ELFN1: variants seen among roughly 807,000 people sequenced by gnomAD.
The protein encoded by ELFN1 is extracellular leucine rich repeat and fibronectin type III domain containing 1, also known as protein ELFN1.
In ELFN1, 6 loss-of-function variants were observed where a neutral mutation model predicts 7.6. The ratio of observed to expected loss-of-function variants is 0.79; its 90% confidence interval spans 0.43 to 1.56. ELFN1 has a LOEUF of 1.56. Ranked by LOEUF, ELFN1 falls within the 40% of genes most tolerant of loss-of-function variation. The probability of loss-of-function intolerance (pLI) is 0.01; values close to 1 mark genes in which losing one functional copy is unlikely to be tolerated. For missense variants in ELFN1, 1,169 were observed against 1,232.2 expected (o/e 0.95, Z 0.77); for synonymous variants, 657 against 588.1 (o/e 1.12, Z -1.70).
rs34132549 is a variant in ELFN1, at chr7:1,695,747, C to CAAA, written c.-456+7620_-456+7622dup. On this transcript the variant is annotated intron_variant, in intron 2 of 3. Transcript: ENST00000424383. This position sits in a 1 kb window ranked among gnomAD's most constrained non-coding sequence, Gnocchi z 5.1. Reference sequence around the variant, plus strand: ...TGGGTGACAGAGCGAGACTCCGTGTCAAAAAAAAAAAAAAAAAAAAAAAAA... The same window carrying CAAA: ...TGGGTGACAGAGCGAGACTCCGTGTCAAAAAAAAAAAAAAAAAAAAAAAAAAAA... 1.8e-3 allele frequency among the ~76,000 whole-genome samples: 104 copies of CAAA among 59,116 alleles called. 4 individuals are homozygous for CAAA. Among genetic ancestry groups the CAAA allele is most frequent in the African/African-American group, 5.6e-3 (84 of 14,990 alleles). The allele number at this position is 59,116 out of a possible 152,430, so 38.8% of individuals were successfully genotyped here.
chr7:1,733,626 C>T lies in ELFN1; in HGVS notation c.-293-10678C>T, dbSNP rs10266558. Among the ~76,000 whole-genome samples the T allele has an allele frequency of 9.7e-3, 1,473 of 152,230 alleles. 21 individuals are homozygous for T. Among genetic ancestry groups the T allele is most frequent in the African/African-American group, 0.034 (1,398 of 41,532 alleles). The stretch of plus-strand genomic sequence containing the variant: ...CCCAGCCCCGTCCCAGCCCATCTTC[C>T]GTTGCTGAAACCTCCTAGGCTAGAC... On this transcript the variant is annotated intron_variant, in intron 3 of 3. Transcript: ENST00000424383.
chr7:1,675,522 T>C (rs1483453847), intron 1 of ELFN1, among the ~76,000 whole-genome samples: 1 of 152,192 alleles, frequency 6.6e-6, no homozygotes, highest in Non-Finnish European at 1.5e-5. Flanking sequence ...CTCAGGCACC[T>C]CTTAGTCATT....
chr7:1,714,606 G>A (rs961445288), intron 3 of ELFN1, among the ~76,000 whole-genome samples: 7 of 152,288 alleles, frequency 4.6e-5, no homozygotes, highest in East Asian at 1.9e-4. Context: ...CTGTAGCCCC[G>A]GGGGAGGCTC....
At chr7:1,704,023 T>C (rs1779480685) in intron 2 of ELFN1, among the ~76,000 whole-genome samples, 1 of 152,230 alleles carries the variant, frequency 6.6e-6, no homozygotes, top group Non-Finnish European at 1.5e-5. Context: ...GTGCCTTAGT[T>C]TCTCCATCTG....
intron 1 of ELFN1, among the ~76,000 whole-genome samples, chr7:1,674,529 C>T (rs1404916847): frequency 1.3e-5 from 2 of 152,102 alleles, no homozygotes; most frequent in Non-Finnish European, 2.9e-5. Flanking sequence ...GATAACCCCA[C>T]AGGAAGAGGC....
rs181529823 is a variant in ELFN1 at position 1,722,518 on chromosome 7, C to T, written c.-294+13266C>T. On this transcript the variant is annotated intron_variant, in intron 3 of 3. Transcript: ENST00000424383. ...TCCTGACCTCTGGTGATCCACCCCC[C>T]GCTCAGCCTCCCAAACTGCTGGGAT... is the stretch of plus-strand genomic sequence containing the variant. 1.2e-4 allele frequency among the ~76,000 whole-genome samples: 18 copies of T among 151,918 alleles called. No individual in the cohort carries two copies. The East Asian group carries it at 1.8e-3, about 15-fold the overall frequency.
chr7:1,711,025 G>A (rs866053723), intron 3 of ELFN1, among the ~76,000 whole-genome samples: 9 of 152,172 alleles, frequency 5.9e-5, no homozygotes, highest in South Asian at 2.1e-4. Flanking sequence ...GGGCTGCCCC[G>A]CCTGAGCCAG....
chr7:1,722,052 C>T (rs1780038765), intron 3 of ELFN1, among the ~76,000 whole-genome samples: 1 of 152,164 alleles, frequency 6.6e-6, no homozygotes, highest in African/African-American at 2.4e-5. Flanking sequence ...CTGACCTGGT[C>T]AGGGGCCCGG....
intron 3 of ELFN1, among the ~76,000 whole-genome samples, chr7:1,725,801 A>G (rs549865913): frequency 6.6e-6 from 1 of 152,292 alleles, no homozygotes; most frequent in South Asian, 2.1e-4. Flanking sequence ...GCACACACAC[A>G]GTACACATTC....
intron 1 of ELFN1, among the ~76,000 whole-genome samples, chr7:1,682,341 C>A (rs534653687): frequency 1.3e-5 from 2 of 152,310 alleles, no homozygotes; most frequent in South Asian, 4.1e-4. Context: ...AAAAGACTAT[C>A]TTTTCTGCAC....
chr7:1,671,337 G>A (rs1778762743), intron 1 of ELFN1, among the ~76,000 whole-genome samples: 2 of 152,326 alleles, frequency 1.3e-5, no homozygotes, highest in South Asian at 4.1e-4. Context: ...TAGCAGAAAG[G>A]GTCGAGGCCG....
intron 3 of ELFN1, among the ~76,000 whole-genome samples, chr7:1,709,538 G>A (rs189231225): frequency 2.0e-5 from 3 of 152,352 alleles, no homozygotes; most frequent in African/African-American, 4.8e-5. Context: ...GGCCATACTC[G>A]GGGTATGCCC....
intron 3 of ELFN1, among the ~76,000 whole-genome samples, chr7:1,731,503 A>C (rs1043305836): frequency 1.3e-5 from 2 of 152,212 alleles, no homozygotes; most frequent in African/African-American, 2.4e-5. Context: ...GCCTCATGAG[A>C]GGGTGACCAT....
At chr7:1,671,030 G>A (rs973840604) in intron 1 of ELFN1, among the ~76,000 whole-genome samples, 4 of 152,170 alleles carry the variant, frequency 2.6e-5, no homozygotes, top group Admixed American at 6.5e-5. Context: ...CCCTCTGGGG[G>A]CTGGGAGGAG....
At chr7:1,693,359 G>T (rs1278582593) in intron 2 of ELFN1, 1 of 469,278 alleles carries the variant, frequency 2.1e-6, no homozygotes, top group East Asian at 7.0e-5. Context: ...GGCTTGGACT[G>T]CCCAGTGTGC....
Position 1,745,363 on chromosome 7 carries a change from C to T in ELFN1, c.767C>T (p.Ala256Val), listed in dbSNP as rs766619482. The T allele has an allele frequency of 1.6e-5, 24 of 1,539,186 alleles. No homozygotes were observed. The highest frequency in any genetic ancestry group is 2.4e-5 in the South Asian group (2 of 83,964). ...TCAGTCTGCACCGAGGACTCGTACG[C>T]GGCTGAGGTGGTCGGGCCCCCACGT... Reference protein sequence around the residue: ...LQSVCTEDSYAAEVVGPPRPA... With the variant: ...LQSVCTEDSYVAEVVGPPRPA... Residue 256 changes from alanine (A) to valine (V), a missense_variant, in exon 4 of 4, where the codon GCG becomes GTG. Ala to Val is a moderately conservative substitution (Grantham distance 64, BLOSUM62 0). Coordinates refer to ENST00000424383, the MANE Select transcript of ELFN1 (RefSeq NM_001128636.4).
chr7:1,741,129 CAAAA>C (rs34300810), intron 3 of ELFN1, among the ~76,000 whole-genome samples: 6 of 116,874 alleles, frequency 5.1e-5, no homozygotes, highest in South Asian at 3.0e-4. Context: ...GACTCTGTCT[CAAAA>C]AAAAAAAAAA....
In ELFN1 at chr7:1,742,687, G is replaced by A. The variant is rs1363211556; in HGVS notation, c.-293-1617G>A. Among the ~76,000 whole-genome samples the A allele has an allele frequency of 2.0e-5, 3 of 152,344 alleles. No individual in the cohort carries two copies. The South Asian group carries it at 6.2e-4, about 32-fold the overall frequency. On this transcript the variant is annotated intron_variant, in intron 3 of 3. Coordinates refer to ENST00000424383, the MANE Select transcript of ELFN1 (RefSeq NM_001128636.4). Reference sequence around the variant, plus strand: ...GGCTTGGCGTCCCCTGGCCACTCCAGGCCAAGCCCTGGGTTAGCTCCCCGA... The same window carrying A: ...GGCTTGGCGTCCCCTGGCCACTCCAAGCCAAGCCCTGGGTTAGCTCCCCGA...
chr7:1,743,768 C>T (rs779198897), intron 3 of ELFN1, among the ~76,000 whole-genome samples: 5 of 152,190 alleles, frequency 3.3e-5, no homozygotes, highest in East Asian at 3.9e-4. Flanking sequence ...GCTCCAGGGG[C>T]GTTGTGGCCG....
Sources: gnomAD v4.1 joint callset for allele counts (sites outside exome capture counted in the v4.1 genomes callset) on GRCh38, gnomAD v4.1.1 for gene constraint, Gnocchi (gnomAD v3.1) non-coding constraint, MANE v1.5 for transcripts, NCBI Gene and HGNC (gene_info 2026-07-23, HGNC 2026-07-21) for gene names.